RAPGEF2: variants seen among roughly 807,000 people sequenced by gnomAD.
The protein encoded by RAPGEF2 is PDZ domain containing guanine nucleotide exchange factor (GEF) 1.
Under a neutral mutation model 186.7 loss-of-function variants are expected in RAPGEF2, and 54 were observed. The ratio of observed to expected loss-of-function variants is 0.29; its 90% CI spans 0.23 to 0.36. The LOEUF (loss-of-function observed/expected upper bound fraction) is 0.36, where lower values mean the gene tolerates loss of function less well. RAPGEF2 is among the 10% of genes least tolerant of loss of function. The pLI, the probability that RAPGEF2 is intolerant of heterozygous loss-of-function variation, is 1.00. For missense variants in RAPGEF2, 1,532 were observed against 2,045.0 expected, an observed-to-expected ratio of 0.75 and a Z score of 4.84; for synonymous variants, 712 against 705.9, an observed-to-expected ratio of 1.01 and a Z score of -0.14.
intron 1 of RAPGEF2, among the ~76,000 whole-genome samples, chr4:159,157,939 G>A (rs909033990): frequency 4.6e-5 from 7 of 152,152 alleles, no homozygotes; most frequent in African/African-American, 1.4e-4. Context: ...TTGAGGAATT[G>A]GGGTAGGGAC....
At position 159,344,072 on chromosome 4, in the gene RAPGEF2, G is replaced by GAC. The variant is rs1561320562; in HGVS notation, c.3278+14_3278+15dup. On this transcript the variant is annotated intron_variant, in intron 23 of 29. Coordinates refer to ENST00000691494, the MANE Select transcript of RAPGEF2 (RefSeq NM_001394067.2). ...GGCGGAGTTTGGGGTAAGTGGTGGAGACCTTGCATACCCACACACAGTTCT... is the reference window on the plus strand; with the variant it reads ...GGCGGAGTTTGGGGTAAGTGGTGGAGACACCTTGCATACCCACACACAGTTCT... 1 of 1,528,438 alleles carries GAC rather than the reference G, an allele frequency of 6.5e-7. No individual in the cohort carries two copies. Among genetic ancestry groups the GAC allele is most frequent in the South Asian group, 1.1e-5 (1 of 89,292 alleles). 94.7% of individuals were successfully genotyped at this position (1,528,438 alleles called of 1,614,324 possible). A position where few individuals can be genotyped will look rare whatever the true frequency, so the allele number is the denominator to read the frequency against.
intron 11 of RAPGEF2, among the ~76,000 whole-genome samples, chr4:159,324,504 G>T (rs1765672428): frequency 6.6e-6 from 1 of 152,088 alleles, no homozygotes; most frequent in Non-Finnish European, 1.5e-5. Context: ...ATCAAAATAT[G>T]GAAGTAAAAT....
rs377150530 is a variant in RAPGEF2 at position 159,224,229 on chromosome 4, G to C, written c.281+13646G>C. Among the ~76,000 whole-genome samples, 22 of 152,206 alleles carry C rather than the reference G, an allele frequency of 1.4e-4. No homozygotes were observed. In the East Asian group the frequency reaches 1.7e-3, roughly 12 times the overall value. On this transcript the variant is annotated intron_variant, in intron 4 of 29. Coordinates refer to ENST00000691494, the MANE Select transcript of RAPGEF2 (RefSeq NM_001394067.2). ...TAAGTGAACTTCTAAAATCCCTTAT[G>C]TATAGGAAATTTTGTGTTTGAAAGC...
chr4:159,274,043 T>C (rs1758532795), intron 7 of RAPGEF2, among the ~76,000 whole-genome samples: 1 of 152,102 alleles, frequency 6.6e-6, no homozygotes, highest in African/African-American at 2.4e-5. Flanking sequence ...CTGCCTGCCT[T>C]GGCCTCCCGA....
At position 159,241,368 on chromosome 4, in the gene RAPGEF2, G is replaced by C; in HGVS notation, c.525G>C (p.Thr175=). The C allele has an allele frequency of 6.9e-7, 1 of 1,442,758 alleles. No homozygotes were observed. The highest frequency in any genetic ancestry group is 2.6e-5 in the East Asian group (1 of 38,972). 89.4% of individuals were successfully genotyped at this position (1,442,758 alleles called of 1,614,324 possible). ...GKPPLPRGYH[T]ECTKSQLPAD... ...CTCCTTTGCCTAGAGGCTATCACACGGTAAGTTATACAAGTATAATATTTT... is the reference window on the plus strand; with the variant it reads ...CTCCTTTGCCTAGAGGCTATCACACCGTAAGTTATACAAGTATAATATTTT... Residue 175 remains threonine (T), a splice_region_variant and synonymous_variant, in exon 6 of 30, where the codon ACG becomes ACC. Coordinates refer to ENST00000691494, the MANE Select transcript of RAPGEF2 (RefSeq NM_001394067.2).
chr4:159,121,324 C>T (rs908363734), intron 1 of RAPGEF2, among the ~76,000 whole-genome samples: 8 of 151,578 alleles, frequency 5.3e-5, no homozygotes, highest in African/African-American at 1.9e-4. Context: ...ATACATGGAC[C>T]TCTCCCCTCC....
In RAPGEF2 at chr4:159,353,923, G is replaced by A; in HGVS notation, c.4528G>A (p.Gly1510Arg). The change falls in exon 28 of 30, where the codon GGA becomes AGA. Residue 1510 changes from glycine (G) to arginine (R), a missense_variant. Gly to Arg is a moderately radical substitution (Grantham distance 125). This residue lies in a region of RAPGEF2 where 594 missense variants were observed against 608.5 expected (regional missense o/e 0.98). Transcript: ENST00000691494. This position sits in a 1 kb window ranked among gnomAD's most constrained non-coding sequence, Gnocchi z 4.3. ...GDTGTIKRRG[G>R]KDVSIEAESS... ...CACAGGCACAATAAAGCGGAGGGGT[G>A]GAAAGGATGTTTCCATTGAAGCCGA... 6.2e-7 allele frequency: 1 copy of A among 1,614,172 alleles called. No individual in the cohort carries two copies. The highest frequency in any genetic ancestry group is 8.5e-7 in the Non-Finnish European group (1 of 1,180,034).
intron 1 of RAPGEF2, among the ~76,000 whole-genome samples, chr4:159,181,307 T>C (rs887642050): frequency 8.5e-5 from 13 of 152,234 alleles, no homozygotes; most frequent in Non-Finnish European, 8.8e-5. Flanking sequence ...ACTGTGTCTC[T>C]TAGACTTCTC....
intron 4 of RAPGEF2, among the ~76,000 whole-genome samples, chr4:159,214,763 C>T (rs999247800): frequency 6.6e-6 from 1 of 150,632 alleles, no homozygotes; most frequent in Admixed American, 6.6e-5. Context: ...GATAGTTTAC[C>T]TAGGTTTTAT....
At chr4:159,316,220 G>A (rs959825409) in intron 9 of RAPGEF2, among the ~76,000 whole-genome samples, 1 of 151,996 alleles carries the variant, frequency 6.6e-6, no homozygotes, top group Non-Finnish European at 1.5e-5. Context: ...GTATGGCCTG[G>A]TTTTTCCTAG....
intron 1 of RAPGEF2, among the ~76,000 whole-genome samples, chr4:159,147,856 G>T (rs1465162873): frequency 6.7e-6 from 1 of 148,422 alleles, no homozygotes; most frequent in Non-Finnish European, 1.5e-5. Context: ...CAGATTTACA[G>T]GTAGTTGAAA....
chr4:159,255,480 CTG>C (rs1486501608), intron 7 of RAPGEF2, among the ~76,000 whole-genome samples: 5 of 152,112 alleles, frequency 3.3e-5, no homozygotes, highest in African/African-American at 1.2e-4. Context: ...CAACTCATGA[CTG>C]TGCTCTGACA....
chr4:159,116,605 G>A (rs1395198178), intron 1 of RAPGEF2, among the ~76,000 whole-genome samples: 1 of 152,146 alleles, frequency 6.6e-6, no homozygotes, highest in Non-Finnish European at 1.5e-5. Flanking sequence ...AAGATACATG[G>A]AAGCATATGT....
intron 17 of RAPGEF2, among the ~76,000 whole-genome samples, chr4:159,337,912 A>AAAAAAAAAAAG (rs1767685889): frequency 6.8e-6 from 1 of 146,144 alleles, no homozygotes; most frequent in Non-Finnish European, 1.5e-5. Context: ...AAAAAAAAAA[A>AAAAAAAAAAAG]AGAAAGAAAA....
At chr4:159,116,323 A>G (rs1739050321) in intron 1 of RAPGEF2, among the ~76,000 whole-genome samples, 1 of 152,224 alleles carries the variant, frequency 6.6e-6, no homozygotes, top group African/African-American at 2.4e-5. Flanking sequence ...GCCAACAAAC[A>G]TGGAAAAAAA....
At chr4:159,154,073 A>G (rs895786497) in intron 1 of RAPGEF2, among the ~76,000 whole-genome samples, 5 of 152,192 alleles carry the variant, frequency 3.3e-5, no homozygotes, top group African/African-American at 9.7e-5. Flanking sequence ...TGGTTTCCTT[A>G]TAAAATTAGG....
intron 7 of RAPGEF2, among the ~76,000 whole-genome samples, chr4:159,283,571 GAA>G (rs1257235149): frequency 1.3e-5 from 2 of 152,144 alleles, no homozygotes; most frequent in African/African-American, 4.8e-5. Context: ...TTATCAGAGA[GAA>G]ATGAATTATC....
intron 1 of RAPGEF2, among the ~76,000 whole-genome samples, chr4:159,184,367 A>G (rs2111287462): frequency 6.6e-6 from 1 of 152,280 alleles, no homozygotes; most frequent in South Asian, 2.1e-4. Flanking sequence ...AACAGTGTAA[A>G]AGTGTTCCTG....
chr4:159,244,061 A>T (rs889129466), intron 7 of RAPGEF2, among the ~76,000 whole-genome samples: 1 of 151,970 alleles, frequency 6.6e-6, no homozygotes, highest in Admixed American at 6.6e-5. Flanking sequence ...AAAAAAATGA[A>T]TGGAACACTG....
Sources: gnomAD v4.1 joint callset for allele counts (sites outside exome capture counted in the v4.1 genomes callset) on GRCh38, gnomAD v4.1.1 for gene constraint, gnomAD v4.1.1 regional missense constraint, Gnocchi (gnomAD v3.1) non-coding constraint, MANE v1.5 for transcripts, NCBI Gene and HGNC (gene_info 2026-07-23, HGNC 2026-07-21) for gene names.